The following ENDOV variants were observed in gnomAD, a reference collection of about 807,000 sequenced individuals.
ENDOV encodes the protein endonuclease V.
ENDOV carries 37 observed loss-of-function variants against 39.4 expected under a neutral mutation model. The ratio of observed to expected loss-of-function variants is 0.94; its 90% CI spans 0.72 to 1.23. The LOEUF (loss-of-function observed/expected upper bound fraction) is 1.23. Among genes scored for constraint, ENDOV ranks in the 50% most tolerant of loss-of-function variants. ENDOV has a pLI of 0.00. For synonymous variants in ENDOV, 186 were observed against 163.4 expected (o/e 1.14, Z -1.05); for missense variants, 441 against 375.7 (o/e 1.17, Z -1.44).
Position 80,428,591 on chromosome 17 carries a change from C to T in ENDOV, c.715-5C>T. ...AGCACCCAGCAGCACGTCTGTCTCC[C>T]CCAGGCTGACATCTGCTCCCGAGAG... On this transcript the variant is annotated splice_polypyrimidine_tract_variant and splice_region_variant and intron_variant, in intron 7 of 9. Transcript: ENST00000518137. The T allele has an allele frequency of 6.3e-7, 1 of 1,578,108 alleles. No homozygotes were observed.
Position 80,423,589 on chromosome 17 carries a change from T to C in ENDOV, c.473T>C (p.Leu158Pro). Residue 158 changes from leucine (L) to proline (P), a missense_variant, in exon 5 of 10, where the codon CTG becomes CCG. Leu to Pro is a moderately conservative substitution (Grantham distance 98). Coordinates refer to ENST00000518137, the MANE Select transcript of ENDOV (RefSeq NM_173627.5). The stretch of plus-strand genomic sequence containing the variant: ...TGTGTTGGGGTGGCCAAGAAACTTC[T>C]GCAGGTGGATGGGCTGGAGAACAAC... Reference protein sequence around the residue: ...LPCVGVAKKLLQVDGLENNAL... With the variant: ...LPCVGVAKKLPQVDGLENNAL... 6.4e-7 allele frequency: 1 copy of C among 1,554,502 alleles called. No homozygotes were observed. The highest frequency in any genetic ancestry group is 8.7e-7 in the Non-Finnish European group (1 of 1,149,212).
At chr17:80,415,348 C>T (rs2080940793) in intron 1 of ENDOV, 98 bp downstream of exon 1, 4 of 1,407,400 alleles carry the variant, frequency 2.8e-6, no homozygotes, top group Non-Finnish European at 3.9e-6. Context: ...GGAATCGGAG[C>T]TGCCACCGCC....
chr17:80,424,011 A>G (rs1257150030), intron 5 of ENDOV: 1 of 213,114 alleles, frequency 4.7e-6, no homozygotes, highest in Non-Finnish European at 8.6e-6. Flanking sequence ...CCTCCCCTGC[A>G]TGCTCAGGTA....
chr17:80,432,052 G>A (rs538723422), intron 9 of ENDOV, among the ~76,000 whole-genome samples: 7 of 152,242 alleles, frequency 4.6e-5, no homozygotes, highest in African/African-American at 9.6e-5. Context: ...GGTGCAGACC[G>A]GTCTAGATGT....
intron 9 of ENDOV, among the ~76,000 whole-genome samples, chr17:80,432,242 A>G (rs1050136146): frequency 2.0e-5 from 3 of 151,936 alleles, no homozygotes; most frequent in African/African-American, 7.3e-5. Flanking sequence ...AGCGGTGGAC[A>G]CTCGGTACAC....
intron 2 of ENDOV, chr17:80,418,975 TC>T (rs1232603509): frequency 6.6e-6 from 1 of 151,634 alleles, no homozygotes; most frequent in Non-Finnish European, 1.5e-5. Flanking sequence ...ATCGAGACCA[TC>T]CTGGCTAACA....
chr17:80,428,955 C>T (rs181799545), intron 8 of ENDOV, among the ~76,000 whole-genome samples: 3 of 152,370 alleles, frequency 2.0e-5, no homozygotes, highest in Non-Finnish European at 4.4e-5. Context: ...CCCCAGCCTT[C>T]CTCAGTCCAC....
chr17:80,427,598 G>T (rs1294393577), intron 7 of ENDOV: 34 of 1,123,640 alleles, frequency 3.0e-5, no homozygotes, highest in South Asian at 2.7e-4. Context: ...GTGAGCCGAG[G>T]ATCGTGTCCT....
chr17:80,427,207 C>T (rs963347554), intron 7 of ENDOV, among the ~76,000 whole-genome samples: 15 of 152,238 alleles, frequency 9.9e-5, no homozygotes, highest in African/African-American at 3.6e-4. Flanking sequence ...TGTCCCCAGC[C>T]CCCAGGAAAG....
chr17:80,430,621 C>T (rs1020927709), intron 9 of ENDOV, among the ~76,000 whole-genome samples: 1 of 152,246 alleles, frequency 6.6e-6, no homozygotes. Flanking sequence ...AGCCTCATCT[C>T]AGCCTGGAGG....
Position 80,436,464 on chromosome 17 carries a change from T to G in ENDOV, c.*321T>G. 1 of 950,000 alleles carries G rather than the reference T, an allele frequency of 1.1e-6. No individual in the cohort carries two copies. The allele number at this position is 950,000 out of a possible 1,614,324, so 58.8% of individuals were successfully genotyped here. On this transcript the variant is annotated 3_prime_UTR_variant, in exon 10 of 10. Coordinates refer to ENST00000518137, the MANE Select transcript of ENDOV (RefSeq NM_173627.5). ...ACGGTCCCTTCTAGTCCTAATTTGT[T>G]AAGTGTTTTTATCCTTAAAGGGTAC...
chr17:80,425,590 C>T lies in ENDOV; in HGVS notation c.684C>T (p.Cys228=). 3 of 1,589,738 alleles carry T rather than the reference C, an allele frequency of 1.9e-6. No individual in the cohort carries two copies. The highest frequency in any genetic ancestry group is 2.6e-6 in the Non-Finnish European group (3 of 1,173,126). The stretch of plus-strand genomic sequence containing the variant: ...CTGTGCGCCTGACTTGCTGCTGCTG[C>T]AGGTTCCGGATCCCAGAGCCCGTGC... ...EAAVRLTCCC[C]RFRIPEPVRQ... is the part of the protein sequence containing the mutation. Residue 228 remains cysteine, a synonymous_variant, in exon 7 of 10, where the codon TGC becomes TGT. Coordinates refer to ENST00000518137, the MANE Select transcript of ENDOV (RefSeq NM_173627.5).
intron 4 of ENDOV, 43 bp from the exon 5 acceptor site, chr17:80,423,477 C>A: frequency 7.0e-7 from 1 of 1,434,950 alleles, no homozygotes; most frequent in South Asian, 1.2e-5. Context: ...GTGCCAGGCC[C>A]CAGCCCCACC....
At chr17:80,429,726 G>A (rs2083171192) in intron 8 of ENDOV, 47 bp from the exon 9 acceptor site, 1 of 1,547,254 alleles carries the variant, frequency 6.5e-7, no homozygotes, top group African/African-American at 1.4e-5. Context: ...GGGGTGTCAG[G>A]TAGGCGCTAG....
Position 80,419,658 on chromosome 17 carries a change from C to CA in ENDOV, c.229-2169dup, listed in dbSNP as rs746904440. On this transcript the variant is annotated intron_variant, in intron 2 of 9. Transcript: ENST00000518137. ...TTGTCAGCCCTTCTGCTGCTGGAAACAGCTGCCTGCTCCTTGACCACACTG... is the reference window on the plus strand; with the variant it reads ...TTGTCAGCCCTTCTGCTGCTGGAAACAAGCTGCCTGCTCCTTGACCACACTG... 58 of 702,812 alleles carry CA rather than the reference C, an allele frequency of 8.3e-5. No individual in the cohort carries two copies. In the South Asian group the frequency reaches 8.3e-4, roughly 10 times the overall value. The allele number at this position is 702,812 out of a possible 1,614,324, so 43.5% of individuals were successfully genotyped here.
intron 5 of ENDOV, chr17:80,424,227 C>T (rs933656255): frequency 1.0e-5 from 4 of 399,286 alleles, no homozygotes; most frequent in African/African-American, 6.2e-5. Flanking sequence ...TCTCTCATTC[C>T]TCCTAGCTCT....
intron 2 of ENDOV, chr17:80,418,709 T>TG (rs2081531284): frequency 6.6e-6 from 1 of 151,772 alleles, no homozygotes; most frequent in South Asian, 2.1e-4. Flanking sequence ...GTGGGATGGA[T>TG]GGGAAGTGAC....
rs1341639855 is a variant in ENDOV, at chr17:80,422,248, A to T, written c.403+3A>T. The T allele has an allele frequency of 2.5e-6, 4 of 1,613,474 alleles. No homozygotes were observed. In the Admixed American group the frequency reaches 6.7e-5, roughly 27 times the overall value. On this transcript the variant is annotated splice_donor_region_variant and intron_variant, in intron 4 of 9. Transcript: ENST00000518137. ...AAACGGGGTACTCCACCACCGAGGT[A>T]ATCCTGCTCTTGGAGGTCCAGGGAG...
At chr17:80,418,328 A>G (rs2081478282) in intron 2 of ENDOV, 1 of 152,346 alleles carries the variant, frequency 6.6e-6, no homozygotes, top group East Asian at 1.9e-4. Flanking sequence ...CTGGCTGCAA[A>G]TTAATCACCT....
Sources: allele counts gnomAD v4.1 joint callset (sites outside exome capture counted in the v4.1 genomes callset), GRCh38; gene constraint gnomAD v4.1.1; transcripts MANE v1.5; gene names NCBI Gene and HGNC (gene_info 2026-07-23, HGNC 2026-07-21).